The following PLXNC1 variants were observed in gnomAD, a reference collection of about 807,000 sequenced individuals.
The protein encoded by PLXNC1 is plexin C1, also known as plexin-C1.
Under a neutral mutation model 178.2 loss-of-function variants are expected in PLXNC1, and 75 were observed. That is an observed-to-expected ratio of 0.42 (90% CI 0.35 to 0.51). The LOEUF (loss-of-function observed/expected upper bound fraction) is 0.51, where lower values mean the gene tolerates loss of function less well. Ranked by LOEUF, PLXNC1 falls within the 20% of genes least tolerant of loss-of-function variation. PLXNC1 has a pLI of 0.02. For synonymous variants in PLXNC1, 790 were observed against 779.9 expected (o/e 1.01, Z -0.22); for missense variants, 1,503 against 1,984.4 (o/e 0.76, Z 4.61).
At chr12:94,230,040 G>T (rs1165054869) in intron 9 of PLXNC1, among the ~76,000 whole-genome samples, 1 of 152,174 alleles carries the variant, frequency 6.6e-6, no homozygotes, top group Admixed American at 6.5e-5. Context: ...ACACAGAACA[G>T]CTCTATCATC....
chr12:94,167,409 C>T (rs1252619304), intron 1 of PLXNC1, among the ~76,000 whole-genome samples: 3 of 152,190 alleles, frequency 2.0e-5, no homozygotes, highest in African/African-American at 7.2e-5. Flanking sequence ...TTAGAACATT[C>T]TGGATACCCA....
At chr12:94,198,029 G>C (rs1261531606) in intron 4 of PLXNC1, among the ~76,000 whole-genome samples, 3 of 152,138 alleles carry the variant, frequency 2.0e-5, no homozygotes, top group Non-Finnish European at 4.4e-5. Flanking sequence ...TAAGCACTGG[G>C]ATTCTAAGCA....
At chr12:94,169,798 C>G (rs530157715) in intron 2 of PLXNC1, among the ~76,000 whole-genome samples, 1 of 152,220 alleles carries the variant, frequency 6.6e-6, no homozygotes, top group Non-Finnish European at 1.5e-5. Flanking sequence ...ACACACACCA[C>G]AGAGAGGTTA....
At chr12:94,295,722 T>C (rs187597315) in intron 24 of PLXNC1, among the ~76,000 whole-genome samples, 2 of 152,298 alleles carry the variant, frequency 1.3e-5, no homozygotes, top group African/African-American at 2.4e-5. Context: ...AGGCACATAA[T>C]GGCACACAGT....
chr12:94,227,958 C>T (rs1299063770), intron 9 of PLXNC1, among the ~76,000 whole-genome samples: 6 of 152,142 alleles, frequency 3.9e-5, no homozygotes, highest in Non-Finnish European at 7.3e-5. Flanking sequence ...GTCCTGCCCT[C>T]GCTAACCTTG....
intron 4 of PLXNC1, among the ~76,000 whole-genome samples, chr12:94,194,579 C>A (rs11107435): frequency 0.18 from 27,694 of 152,050 alleles, 2,697 homozygotes; most frequent in African/African-American, 0.2. Flanking sequence ...CATGGTGAAA[C>A]CCTGTCTCTA....
chr12:94,294,581 C>T (rs1332832861), intron 24 of PLXNC1, 41 bp downstream of exon 24: 14 of 889,238 alleles, frequency 1.6e-5, no homozygotes, highest in Non-Finnish European at 2.6e-5. Flanking sequence ...TCTCACCCAG[C>T]TTCATAAAGT....
Position 94,260,644 on chromosome 12 carries a change from G to A in PLXNC1, c.3254G>A (p.Cys1085Tyr). ...KQKNFSVKDRCLFASFLTIAL... is the reference protein window; with the variant it reads ...KQKNFSVKDRYLFASFLTIAL... ...CACCCAGCTCTCTTTTTCAACAGGT[G>A]TCTGTTTGCCTCCTTCCTAACCATT... The change falls in exon 20 of 31, where the codon TGT (cysteine) becomes TAT (tyrosine). Residue 1085 changes from cysteine to tyrosine, a missense_variant and splice_region_variant. By Grantham distance (194) the Cys-to-Tyr change is radical. Transcript: ENST00000258526. This position sits in a 1 kb window ranked among gnomAD's most constrained non-coding sequence, Gnocchi z 4.4. 2 of 1,611,956 alleles carry A rather than the reference G, an allele frequency of 1.2e-6. No individual in the cohort carries two copies. Among genetic ancestry groups the A allele is most frequent in the Non-Finnish European group, 1.7e-6 (2 of 1,178,994 alleles).
intron 4 of PLXNC1, among the ~76,000 whole-genome samples, chr12:94,204,692 G>T (rs1190413058): frequency 6.6e-6 from 1 of 152,092 alleles, no homozygotes; most frequent in Non-Finnish European, 1.5e-5. Flanking sequence ...AAAGTCCCCC[G>T]ATTCTGGAGA....
intron 22 of PLXNC1, among the ~76,000 whole-genome samples, chr12:94,280,680 A>C (rs892009822): frequency 1.3e-5 from 2 of 152,206 alleles, no homozygotes; most frequent in Non-Finnish European, 2.9e-5. Flanking sequence ...CCCAGCCAGG[A>C]CACCATGACC....
At chr12:94,233,436 G>A (rs1170084641) in intron 9 of PLXNC1, among the ~76,000 whole-genome samples, 1 of 152,220 alleles carries the variant, frequency 6.6e-6, no homozygotes, top group East Asian at 1.9e-4. Flanking sequence ...ACACTCAGAA[G>A]GCTCAAATGC....
At chr12:94,195,361 G>A (rs967840834) in intron 4 of PLXNC1, among the ~76,000 whole-genome samples, 8 of 152,072 alleles carry the variant, frequency 5.3e-5, no homozygotes, top group Non-Finnish European at 8.8e-5. Flanking sequence ...GCTATTCTCC[G>A]AATTCATGTA....
At chr12:94,225,291 G>A (rs1280530112) in intron 7 of PLXNC1, among the ~76,000 whole-genome samples, 1 of 152,168 alleles carries the variant, frequency 6.6e-6, no homozygotes, top group Non-Finnish European at 1.5e-5. Flanking sequence ...CACCAAATGG[G>A]AGTTTCTTTT....
chr12:94,297,260 G>A, intron 25 of PLXNC1, 40 bp downstream of exon 25: 1 of 1,613,548 alleles, frequency 6.2e-7, no homozygotes. Context: ...TGAACTGCAT[G>A]CCTTCTGTAG....
At chr12:94,296,997 G>A (rs964959635) in intron 24 of PLXNC1, among the ~76,000 whole-genome samples, 192 bp from the exon 25 acceptor site, 16 of 152,230 alleles carry the variant, frequency 1.1e-4, no homozygotes, top group African/African-American at 2.6e-4. Context: ...TCCCTCACCC[G>A]TCCCATCTTC....
intron 5 of PLXNC1, among the ~76,000 whole-genome samples, chr12:94,211,424 C>T (rs900426758): frequency 6.6e-6 from 1 of 152,202 alleles, no homozygotes; most frequent in Non-Finnish European, 1.5e-5. Flanking sequence ...AAAATATTTC[C>T]TACCCTATTG....
At chr12:94,167,789 C>T (rs182336572) in intron 1 of PLXNC1, among the ~76,000 whole-genome samples, 5 of 152,242 alleles carry the variant, frequency 3.3e-5, no homozygotes, top group Admixed American at 6.5e-5. Flanking sequence ...CTTCTTAAAC[C>T]GAGTTCACTA....
chr12:94,201,301 A>G (rs1008610126), intron 4 of PLXNC1, among the ~76,000 whole-genome samples: 1 of 152,244 alleles, frequency 6.6e-6, no homozygotes, highest in Non-Finnish European at 1.5e-5. Context: ...TTGGGCATTG[A>G]GCTGGTGTGT....
chr12:94,169,768 G>A (rs936431088), intron 2 of PLXNC1, among the ~76,000 whole-genome samples: 3 of 152,158 alleles, frequency 2.0e-5, no homozygotes, highest in African/African-American at 7.2e-5. Context: ...GAGGGGGTTT[G>A]TTTTTTGCCC....
Sources: allele counts gnomAD v4.1 joint callset (sites outside exome capture counted in the v4.1 genomes callset), GRCh38; gene constraint gnomAD v4.1.1; non-coding constraint Gnocchi (gnomAD v3.1); transcripts MANE v1.5; gene names NCBI Gene and HGNC (gene_info 2026-07-23, HGNC 2026-07-21).